RTKN2: variants seen among roughly 807,000 people sequenced by gnomAD.
RTKN2 encodes the protein rhotekin-2.
RTKN2 carries 69 observed loss-of-function variants against 71.5 expected under a neutral mutation model. The observed-to-expected ratio is 0.96, with a 90% CI of 0.79 to 1.18. The LOEUF (loss-of-function observed/expected upper bound fraction) is 1.18, where lower values mean the gene tolerates loss of function less well. Ranked by LOEUF, RTKN2 falls within the 50% of genes most tolerant of loss-of-function variation. The probability of loss-of-function intolerance (pLI) is 0.00; values close to 1 mark genes in which losing one functional copy is unlikely to be tolerated. For missense variants in RTKN2, 724 were observed against 719.7 expected (o/e 1.01, Z -0.07); for synonymous variants, 236 against 236.5 (o/e 1.00, Z 0.02).
At chr10:62,233,843 C>A (rs1463743953) in intron 6 of RTKN2, among the ~76,000 whole-genome samples, 1 of 151,958 alleles carries the variant, frequency 6.6e-6, no homozygotes, top group Admixed American at 6.6e-5. Context: ...AGGATCTATA[C>A]CTAAAATATT....
intron 2 of RTKN2, among the ~76,000 whole-genome samples, chr10:62,253,739 A>G (rs1311783968): frequency 1.3e-5 from 2 of 152,124 alleles, no homozygotes; most frequent in East Asian, 3.8e-4. Context: ...ATATAGAAAA[A>G]CTATTTTAAA....
At chr10:62,260,102 C>G (rs1318706534) in intron 2 of RTKN2, among the ~76,000 whole-genome samples, 1 of 152,130 alleles carries the variant, frequency 6.6e-6, no homozygotes, top group African/African-American at 2.4e-5. Flanking sequence ...TGTTTTAACT[C>G]TGGCAGCAAT....
At chr10:62,186,205 T>C (rs1369903529) in intron 8 of RTKN2, among the ~76,000 whole-genome samples, 1 of 151,856 alleles carries the variant, frequency 6.6e-6, no homozygotes, top group Non-Finnish European at 1.5e-5. Context: ...TCTTAACGTA[T>C]ATGCTTTCAT....
Position 62,215,169 on chromosome 10 carries a change from T to A in RTKN2, c.1020+1949A>T, listed in dbSNP as rs1841742965. 4 of 844,744 alleles carry A rather than the reference T, an allele frequency of 4.7e-6. No homozygotes were observed. The Admixed American group carries it at 9.4e-5, about 20-fold the overall frequency. 52.3% of individuals were successfully genotyped at this position (844,744 alleles called of 1,614,324 possible). A position where few individuals can be genotyped will look rare whatever the true frequency, so the allele number is the denominator to read the frequency against. On this transcript the variant is annotated intron_variant, in intron 9 of 11. Coordinates refer to ENST00000373789, the MANE Select transcript of RTKN2 (RefSeq NM_145307.4). ...TATGGTATAAAATATAAGAAAAAAATTAGTAGGATTTCATTTTTACTCCTC... is the reference window on the plus strand; with the variant it reads ...TATGGTATAAAATATAAGAAAAAAAATAGTAGGATTTCATTTTTACTCCTC...
intron 10 of RTKN2, among the ~76,000 whole-genome samples, chr10:62,201,188 C>T (rs10995084): frequency 0.32 from 49,221 of 151,846 alleles, 9,801 homozygotes; most frequent in African/African-American, 0.57. Flanking sequence ...GTATTTCATA[C>T]CCAACTTGAT....
At chr10:62,205,139 G>A in intron 9 of RTKN2, 117 bp from the exon 10 acceptor site, 1 of 749,292 alleles carries the variant, frequency 1.3e-6, no homozygotes, top group Non-Finnish European at 2.1e-6. Context: ...TCTTATTGCT[G>A]ATCATTTGAA....
intron 2 of RTKN2, among the ~76,000 whole-genome samples, chr10:62,259,560 ATTTCTT>A (rs1328200973): frequency 6.6e-6 from 1 of 151,910 alleles, no homozygotes; most frequent in Admixed American, 6.6e-5. Flanking sequence ...TTCTTTTGCT[ATTTCTT>A]TTTGAGACAG....
chr10:62,195,217 C>A lies in RTKN2; in HGVS notation c.*2691G>T. The A allele has an allele frequency of 1.0e-6, 1 of 978,516 alleles. No individual in the cohort carries two copies. Among genetic ancestry groups the A allele is most frequent in the Non-Finnish European group, 1.2e-6 (1 of 823,914 alleles). The allele number at this position is 978,516 out of a possible 1,614,324, so 60.6% of individuals were successfully genotyped here. ...TATCATAAAATATCTATTCTGTTTCCCCAATTATATTATCAAGAGCTGACA... is the reference window on the plus strand; with the variant it reads ...TATCATAAAATATCTATTCTGTTTCACCAATTATATTATCAAGAGCTGACA... On this transcript the variant is annotated 3_prime_UTR_variant, in exon 12 of 12. Coordinates refer to ENST00000373789, the MANE Select transcript of RTKN2 (RefSeq NM_145307.4).
In RTKN2 at chr10:62,268,783, T is replaced by G. The variant is rs1367987103; in HGVS notation, c.-173A>C. The stretch of plus-strand genomic sequence containing the variant: ...GAAGCGCACGCGCAGTGGGCGCGCC[T>G]TGCGCTCTGCAGCTCCCGCCGCCGG... On this transcript the variant is annotated 5_prime_UTR_variant, in exon 1 of 12. Coordinates refer to ENST00000373789, the MANE Select transcript of RTKN2 (RefSeq NM_145307.4). 3.2e-6 allele frequency: 2 copies of G among 626,104 alleles called. No homozygotes were observed. Among genetic ancestry groups the G allele is most frequent in the Non-Finnish European group, 2.7e-6 (1 of 371,912 alleles). 38.8% of individuals were successfully genotyped at this position (626,104 alleles called of 1,614,324 possible). A position where few individuals can be genotyped will look rare whatever the true frequency, so the allele number is the denominator to read the frequency against.
intron 10 of RTKN2, among the ~76,000 whole-genome samples, 195 bp downstream of exon 10, chr10:62,204,662 G>A (rs1156517622): frequency 6.6e-6 from 1 of 152,084 alleles, no homozygotes; most frequent in Non-Finnish European, 1.5e-5. Flanking sequence ...GAATCCAAAC[G>A]TATACTATAC....
In RTKN2 at chr10:62,195,358, A is replaced by G; in HGVS notation, c.*2550T>C. ...AAGCAGCTTTCATATTACATGGCAT[A>G]TTTATTTGTCATAAACTTCTGGTTT... is the stretch of plus-strand genomic sequence containing the variant. On this transcript the variant is annotated 3_prime_UTR_variant, in exon 12 of 12. Transcript: ENST00000373789. The G allele has an allele frequency of 8.1e-6, 8 of 984,558 alleles. No homozygotes were observed. The highest frequency in any genetic ancestry group is 9.6e-6 in the Non-Finnish European group (8 of 829,122). 61.0% of individuals were successfully genotyped at this position (984,558 alleles called of 1,614,324 possible). A position where few individuals can be genotyped will look rare whatever the true frequency, so the allele number is the denominator to read the frequency against.
intron 2 of RTKN2, among the ~76,000 whole-genome samples, chr10:62,251,054 T>G (rs987205539): frequency 2.6e-5 from 4 of 152,176 alleles, no homozygotes; most frequent in African/African-American, 9.7e-5. Flanking sequence ...CACCTGCTCA[T>G]TAGTCACTTA....
chr10:62,250,335 C>T (rs772444180), intron 2 of RTKN2, among the ~76,000 whole-genome samples: 8 of 151,900 alleles, frequency 5.3e-5, no homozygotes, highest in Non-Finnish European at 1.0e-4. Context: ...GCCTTGGCTA[C>T]GAAGAAAAAG....
In RTKN2 at chr10:62,195,639, G is replaced by T. The variant is rs896902790; in HGVS notation, c.*2269C>A. The T allele has an allele frequency of 1.5e-6, 1 of 683,904 alleles. No homozygotes were observed. The highest frequency in any genetic ancestry group is 2.0e-5 in the African/African-American group (1 of 50,030). 42.4% of individuals were successfully genotyped at this position (683,904 alleles called of 1,614,324 possible). ...GGAAGGAAGGAAGGAAGGAAGGAAG[G>T]AAGGAAGGAAGGAAGGAAGGAAGGA... On this transcript the variant is annotated 3_prime_UTR_variant, in exon 12 of 12. Transcript: ENST00000373789.
intron 2 of RTKN2, among the ~76,000 whole-genome samples, chr10:62,258,726 TGAA>T (rs1362345571): frequency 8.5e-5 from 13 of 152,118 alleles, no homozygotes; most frequent in African/African-American, 3.1e-4. Context: ...ATATGAATGA[TGAA>T]GAAATATACA....
At chr10:62,242,771 G>A (rs1407853089) in intron 3 of RTKN2, among the ~76,000 whole-genome samples, 2 of 151,448 alleles carry the variant, frequency 1.3e-5, no homozygotes, top group Non-Finnish European at 2.9e-5. Context: ...CTGGGTTTAC[G>A]GGCATGCACC....
At chr10:62,240,787 AG>A (rs1400314051) in intron 4 of RTKN2, among the ~76,000 whole-genome samples, 67 of 152,212 alleles carry the variant, frequency 4.4e-4, no homozygotes, top group African/African-American at 1.5e-3. Context: ...GAAATAAGGC[AG>A]AAAAATCTTC....
intron 1 of RTKN2, among the ~76,000 whole-genome samples, chr10:62,265,558 A>G (rs927497309): frequency 2.1e-5 from 3 of 144,160 alleles, no homozygotes; most frequent in Non-Finnish European, 4.5e-5. Flanking sequence ...ATGGTTTTCA[A>G]TGTATTCTGA....
Position 62,197,997 on chromosome 10 carries a change from T to C in RTKN2, c.1741A>G (p.Asn581Asp), listed in dbSNP as rs774939925. 6.2e-7 allele frequency: 1 copy of C among 1,614,000 alleles called. No homozygotes were observed. The highest frequency in any genetic ancestry group is 8.5e-7 in the Non-Finnish European group (1 of 1,179,924). ...GCTGGCACTGGCTTGGCTTCAAAAT[T>C]GGTTTTAGTGTCTGTGTGCTCACCA... Reference protein sequence around the residue: ...SDGEHTDTKTNFEAKPVPAPR... With the variant: ...SDGEHTDTKTDFEAKPVPAPR... Residue 581 changes from asparagine (N) to aspartate (D), a missense_variant, in exon 12 of 12, where the codon AAT becomes GAT. Transcript: ENST00000373789.
Sources: allele counts gnomAD v4.1 joint callset (sites outside exome capture counted in the v4.1 genomes callset), GRCh38; gene constraint gnomAD v4.1.1; transcripts MANE v1.5; gene names NCBI Gene and HGNC (gene_info 2026-07-23, HGNC 2026-07-21).